THSD7A: variants seen among roughly 807,000 people sequenced by gnomAD.
The protein encoded by THSD7A is thrombospondin type-1 domain-containing protein 7A.
A neutral mutation model predicts 231.3 loss-of-function variants in THSD7A; 96 were observed. That is an observed-to-expected ratio of 0.41 (90% CI 0.35 to 0.49). The LOEUF (loss-of-function observed/expected upper bound fraction) is 0.49, where lower values mean the gene tolerates loss of function less well. Ranked by LOEUF, THSD7A falls within the 20% of genes least tolerant of loss-of-function variation. The pLI, the probability that THSD7A is intolerant of heterozygous loss-of-function variation, is 0.05. For missense variants in THSD7A, 2,290 were observed against 2,070.2 expected (o/e 1.11, Z -2.06); for synonymous variants, 940 against 743.3 (o/e 1.26, Z -4.30).
Position 11,831,867 on chromosome 7 carries a change from G to GGCAGCAGCT in THSD7A, c.71_79dup (p.Gln24_Leu26dup). On this transcript the variant is annotated inframe_insertion, in exon 1 of 28. Transcript: ENST00000423059. The surrounding 1 kb of genome is among the most constrained non-coding windows in gnomAD (Gnocchi z 5.0). Reference sequence around the variant, plus strand: ...GAGCAGCGGCAGCGGCAGCGGCAGCGGCAGCAGCTGCAGGACGCCCCGGCG... The same window carrying GGCAGCAGCT: ...GAGCAGCGGCAGCGGCAGCGGCAGCGGCAGCAGCTGCAGCAGCTGCAGGACGCCCCGGCG... 4 of 1,275,014 alleles carry GGCAGCAGCT rather than the reference G, an allele frequency of 3.1e-6. No individual in the cohort carries two copies. Among genetic ancestry groups the GGCAGCAGCT allele is most frequent in the Non-Finnish European group, 4.0e-6 (4 of 1,008,616 alleles). The allele number at this position is 1,275,014 out of a possible 1,614,324, so 79.0% of individuals were successfully genotyped here.
chr7:11,430,532 C>T (rs1175051540), intron 13 of THSD7A, among the ~76,000 whole-genome samples: 1 of 152,144 alleles, frequency 6.6e-6, no homozygotes, highest in Admixed American at 6.6e-5. Context: ...GTCATCATAG[C>T]TCACTGCAGC....
chr7:11,568,892 C>G (rs1408340698), intron 4 of THSD7A, among the ~76,000 whole-genome samples: 1 of 149,244 alleles, frequency 6.7e-6, no homozygotes, highest in East Asian at 2.0e-4. Flanking sequence ...TTGCAAGATA[C>G]AAAATTAATA....
chr7:11,679,766 C>T (rs571017746), intron 1 of THSD7A, among the ~76,000 whole-genome samples: 2 of 152,248 alleles, frequency 1.3e-5, no homozygotes, highest in African/African-American at 4.8e-5. Context: ...AATGGCCATA[C>T]TGCCCAAAGG....
chr7:11,792,568 C>G (rs901383394), intron 1 of THSD7A, among the ~76,000 whole-genome samples: 2 of 151,860 alleles, frequency 1.3e-5, no homozygotes, highest in African/African-American at 4.8e-5. Flanking sequence ...TTTGAATAGC[C>G]TAGCTCTGAT....
intron 1 of THSD7A, among the ~76,000 whole-genome samples, chr7:11,828,498 T>C (rs1366031297): frequency 6.6e-6 from 1 of 152,222 alleles, no homozygotes; most frequent in Non-Finnish European, 1.5e-5. Flanking sequence ...TAATGTTCTG[T>C]TCATGTGTAT....
intron 1 of THSD7A, among the ~76,000 whole-genome samples, chr7:11,817,506 G>C (rs568337168): frequency 3.5e-4 from 54 of 152,308 alleles, no homozygotes; most frequent in African/African-American, 1.3e-3. Flanking sequence ...ACAGAGCAAT[G>C]TCAGATGCAG....
At chr7:11,546,154 A>G (rs1270591440) in intron 4 of THSD7A, among the ~76,000 whole-genome samples, 1 of 133,132 alleles carries the variant, frequency 7.5e-6, no homozygotes, top group Non-Finnish European at 1.6e-5. Flanking sequence ...CCATTGTGCC[A>G]GGGCCCACCA....
chr7:11,808,682 CT>C (rs1390897233), intron 1 of THSD7A, among the ~76,000 whole-genome samples: 2 of 152,018 alleles, frequency 1.3e-5, no homozygotes, highest in Non-Finnish European at 2.9e-5. Flanking sequence ...GTCATGTAAA[CT>C]AGGGTCTTTA....
rs532768090 is a variant in THSD7A, at chr7:11,788,778, G to T, written c.190+42979C>A. 3.3e-4 allele frequency among the ~76,000 whole-genome samples: 50 copies of T among 152,054 alleles called. 1 individual carries two copies. The East Asian group carries it at 9.3e-3, about 28-fold the overall frequency. Reference sequence around the variant, plus strand: ...TCGATTTTATTATCTGTAAAATGGGGACAATAATATAATCAAACATTCAGT... The same window carrying T: ...TCGATTTTATTATCTGTAAAATGGGTACAATAATATAATCAAACATTCAGT... On this transcript the variant is annotated intron_variant, in intron 1 of 27. Transcript: ENST00000423059.
intron 2 of THSD7A, among the ~76,000 whole-genome samples, chr7:11,596,437 G>T (rs1406568618): frequency 6.6e-6 from 1 of 152,076 alleles, no homozygotes; most frequent in Non-Finnish European, 1.5e-5. Context: ...TCATCCTGTG[G>T]TCGTTTCCCC....
chr7:11,595,429 A>G (rs1780326438), intron 2 of THSD7A, among the ~76,000 whole-genome samples: 1 of 152,180 alleles, frequency 6.6e-6, no homozygotes, highest in African/African-American at 2.4e-5. Context: ...GGGATTCTGC[A>G]TTTAATGTTC....
intron 6 of THSD7A, among the ~76,000 whole-genome samples, chr7:11,540,788 G>A (rs1789112485): frequency 6.6e-6 from 1 of 152,174 alleles, no homozygotes; most frequent in African/African-American, 2.4e-5. Flanking sequence ...ACAAATATTA[G>A]TTGTAAAAGT....
At chr7:11,694,938 C>G (rs1780343013) in intron 1 of THSD7A, among the ~76,000 whole-genome samples, 1 of 151,370 alleles carries the variant, frequency 6.6e-6, no homozygotes, top group African/African-American at 2.4e-5. Flanking sequence ...GAATAGAAGC[C>G]TGAGGTAAAG....
Position 11,462,027 on chromosome 7 carries a change from C to G in THSD7A, c.2485G>C (p.Ala829Pro), listed in dbSNP as rs1785523725. 9.3e-6 allele frequency: 15 copies of G among 1,613,610 alleles called. No individual in the cohort carries two copies. Among genetic ancestry groups the G allele is most frequent in the Non-Finnish European group, 1.3e-5 (15 of 1,179,626 alleles). Residue 829 changes from alanine (A) to proline (P), a missense_variant, in exon 10 of 28, where the codon GCG becomes CCG. By Grantham distance (27) the Ala-to-Pro change is conservative. Transcript: ENST00000423059. ...YEEKACEAPQ[A>P]CQSYRWKTHK... Reference sequence around the variant, plus strand: ...TAACCCTACCTGTAGCTTTGGCACGCTTGAGGTGCCTCACAGGCCTTCTCT... The same window carrying G: ...TAACCCTACCTGTAGCTTTGGCACGGTTGAGGTGCCTCACAGGCCTTCTCT...
intron 1 of THSD7A, among the ~76,000 whole-genome samples, chr7:11,792,925 C>T (rs1403682343): frequency 1.3e-5 from 2 of 151,844 alleles, no homozygotes. Context: ...GTGAGGTTTG[C>T]CCTGTGAGTT....
At chr7:11,765,348 A>T (rs1365402615) in intron 1 of THSD7A, among the ~76,000 whole-genome samples, 1 of 152,188 alleles carries the variant, frequency 6.6e-6, no homozygotes, top group East Asian at 1.9e-4. Flanking sequence ...AATCTAGAAA[A>T]GACTTGTCCA....
intron 1 of THSD7A, among the ~76,000 whole-genome samples, chr7:11,656,936 G>C (rs1173495917): frequency 6.6e-6 from 1 of 151,804 alleles, no homozygotes; most frequent in Non-Finnish European, 1.5e-5. Context: ...AAGAGAAAAA[G>C]ATTAACTTTG....
chr7:11,571,803 C>CT lies in THSD7A; in HGVS notation c.1453+18656dup, dbSNP rs149559873. ...CTTTATTCACATGTATGTATTGTAT[C>CT]TTTTTTTTTTCCTCTGGCTGCTTTA... On this transcript the variant is annotated intron_variant, in intron 4 of 27. Coordinates refer to ENST00000423059, the MANE Select transcript of THSD7A (RefSeq NM_015204.3). 7.2e-4 allele frequency among the ~76,000 whole-genome samples: 108 copies of CT among 149,846 alleles called. No individual in the cohort carries two copies. In the East Asian group the frequency reaches 0.015, roughly 21 times the overall value.
At chr7:11,420,657 G>T (rs1784113562) in intron 16 of THSD7A, among the ~76,000 whole-genome samples, 1 of 152,200 alleles carries the variant, frequency 6.6e-6, no homozygotes, top group African/African-American at 2.4e-5. Context: ...GTGGAGCTGT[G>T]GAAGTAGGGC....
Sources: allele counts gnomAD v4.1 joint callset (sites outside exome capture counted in the v4.1 genomes callset), GRCh38; gene constraint gnomAD v4.1.1; non-coding constraint Gnocchi (gnomAD v3.1); transcripts MANE v1.5; gene names NCBI Gene and HGNC (gene_info 2026-07-23, HGNC 2026-07-21).